Variants in ASH1L observed in about 807,000 individuals in gnomAD.
ASH1L encodes the protein ASH1 like histone lysine methyltransferase.
A neutral mutation model predicts 269.0 loss-of-function variants in ASH1L; 23 were observed. That is an observed-to-expected ratio of 0.09 (90% confidence interval 0.06 to 0.12). The LOEUF (loss-of-function observed/expected upper bound fraction) is 0.12. Ranked by LOEUF, ASH1L falls within the 10% of genes least tolerant of loss-of-function variation. ASH1L has a pLI of 1.00. For missense variants in ASH1L, 2,912 were observed against 3,567.8 expected (o/e 0.82, Z 4.68); for synonymous variants, 1,187 against 1,253.5 (o/e 0.95, Z 1.12).
chr1:155,462,166 TTA>T (rs925121699), intron 3 of ASH1L, among the ~76,000 whole-genome samples: 4 of 152,142 alleles, frequency 2.6e-5, no homozygotes, highest in African/African-American at 9.7e-5. Flanking sequence ...TGAGTATAGT[TTA>T]TATGTTTGGT....
At chr1:155,463,708 T>A (rs1664469163) in intron 3 of ASH1L, among the ~76,000 whole-genome samples, 1 of 151,992 alleles carries the variant, frequency 6.6e-6, no homozygotes, top group Non-Finnish European at 1.5e-5. Context: ...AGTGGGAAGA[T>A]CGCTTGAGCC....
intron 1 of ASH1L, among the ~76,000 whole-genome samples, chr1:155,539,949 G>C (rs1290511826): frequency 1.3e-5 from 2 of 151,952 alleles, no homozygotes; most frequent in South Asian, 2.1e-4. Context: ...CCCACCTGTA[G>C]TACCAGCTAC....
At chr1:155,350,920 T>TAA (rs71077999) in intron 17 of ASH1L, among the ~76,000 whole-genome samples, 1,524 of 133,996 alleles carry the variant, frequency 0.011, 44 homozygotes, top group African/African-American at 0.037. Context: ...GACTCCGTCC[T>TAA]AAAAAAAAAA....
chr1:155,439,680 C>T (rs558545451), intron 4 of ASH1L, among the ~76,000 whole-genome samples: 16 of 151,960 alleles, frequency 1.1e-4, no homozygotes, highest in Non-Finnish European at 2.2e-4. Context: ...CAGAGCGAGA[C>T]CCTGTCTCAA....
At chr1:155,340,469 C>G (rs1217814899) in intron 25 of ASH1L, among the ~76,000 whole-genome samples, 2 of 152,138 alleles carry the variant, frequency 1.3e-5, no homozygotes, top group African/African-American at 2.4e-5. Flanking sequence ...GTGTGAGCCA[C>G]CGCGCCTGGC....
chr1:155,459,664 T>C (rs1664141318), intron 4 of ASH1L, 133 bp downstream of exon 4: 2 of 693,324 alleles, frequency 2.9e-6, no homozygotes, highest in Non-Finnish European at 4.8e-6. Flanking sequence ...TTGTTTCAAC[T>C]CCTTTGAATG....
chr1:155,406,233 A>C (rs554701276), intron 6 of ASH1L, among the ~76,000 whole-genome samples: 2 of 151,962 alleles, frequency 1.3e-5, no homozygotes, highest in African/African-American at 4.8e-5. Context: ...AAGATGACAA[A>C]ACTTCCCAAA....
chr1:155,511,014 C>G lies in ASH1L; in HGVS notation c.420+10086G>C, dbSNP rs1668127390. 2.0e-5 allele frequency among the ~76,000 whole-genome samples: 3 copies of G among 152,038 alleles called. No individual in the cohort carries two copies. The South Asian group carries it at 6.2e-4, about 32-fold the overall frequency. On this transcript the variant is annotated intron_variant, in intron 2 of 27. Transcript: ENST00000392403. ...CTAAAAATTCTCAACTTTTGAACCTCAAATATGAGTCTGACATTTTAAAAT... is the reference window on the plus strand; with the variant it reads ...CTAAAAATTCTCAACTTTTGAACCTGAAATATGAGTCTGACATTTTAAAAT...
intron 1 of ASH1L, among the ~76,000 whole-genome samples, chr1:155,530,563 T>TA (rs55994662): frequency 0.54 from 75,853 of 140,712 alleles, 22,323 homozygotes; most frequent in Middle Eastern, 0.69. Flanking sequence ...CCGTCTCTAC[T>TA]AAAAAAAAAA....
At chr1:155,457,866 A>G (rs1431485548) in intron 4 of ASH1L, among the ~76,000 whole-genome samples, 3 of 152,208 alleles carry the variant, frequency 2.0e-5, no homozygotes, top group African/African-American at 7.2e-5. Flanking sequence ...TATGTCCCTT[A>G]TCAAAATCTC....
chr1:155,505,525 A>C (rs887994507), intron 2 of ASH1L, among the ~76,000 whole-genome samples: 10 of 152,190 alleles, frequency 6.6e-5, no homozygotes, highest in Non-Finnish European at 1.3e-4. Flanking sequence ...TGAAAGTATA[A>C]ATCAAAATAT....
chr1:155,520,244 C>G (rs974970745), intron 2 of ASH1L: 2 of 150,034 alleles, frequency 1.3e-5, no homozygotes, highest in Non-Finnish European at 2.9e-5. Context: ...CCCAGCTACT[C>G]AGGGGGCTGA....
At chr1:155,483,197 T>C (rs982152806) in intron 2 of ASH1L, among the ~76,000 whole-genome samples, 1 of 152,198 alleles carries the variant, frequency 6.6e-6, no homozygotes, top group Non-Finnish European at 1.5e-5. Context: ...TTCCTAAATA[T>C]AAAATACTCA....
chr1:155,348,884 TA>T (rs66853194), intron 19 of ASH1L, among the ~76,000 whole-genome samples: 997 of 91,750 alleles, frequency 0.011, 17 homozygotes, highest in African/African-American at 0.037. Flanking sequence ...CTGTCTCATT[TA>T]AAAAAAAAAA....
intron 4 of ASH1L, among the ~76,000 whole-genome samples, chr1:155,449,098 TA>T (rs1558118533): frequency 1.3e-5 from 2 of 151,996 alleles, no homozygotes; most frequent in Non-Finnish European, 2.9e-5. Context: ...CACGCCCAGC[TA>T]ATTTTTTTGT....
intron 7 of ASH1L, among the ~76,000 whole-genome samples, chr1:155,384,906 C>CT (rs1657293099): frequency 6.6e-6 from 1 of 151,740 alleles, no homozygotes; most frequent in Non-Finnish European, 1.5e-5. Context: ...CACAAATTTG[C>CT]TTTTTTTGTC....
chr1:155,480,153 G>T lies in ASH1L; in HGVS notation c.2717C>A (p.Pro906His). Reference protein sequence around the residue: ...QMRSPVKMKPPVLSVAPFVAT... With the variant: ...QMRSPVKMKPHVLSVAPFVAT... ...AACAAATGGAGCCACTGACAGTACA[G>T]GTGGCTTCATCTTGACTGGTGACCT... Residue 906 changes from proline (P) to histidine (H), a missense_variant, in exon 3 of 28, where the codon CCT (proline) becomes CAT (histidine). By Grantham distance (77) the Pro-to-His change is moderately conservative. Transcript: ENST00000392403. 6.2e-7 allele frequency: 1 copy of T among 1,614,130 alleles called. No homozygotes were observed. Among genetic ancestry groups the T allele is most frequent in the African/African-American group, 1.3e-5 (1 of 75,036 alleles).
intron 4 of ASH1L, among the ~76,000 whole-genome samples, chr1:155,454,082 G>A (rs1296748898): frequency 3.3e-5 from 5 of 152,324 alleles, no homozygotes; most frequent in Non-Finnish European, 1.5e-5. Flanking sequence ...TCCAGCCTGA[G>A]CGACGGAGCA....
intron 10 of ASH1L, among the ~76,000 whole-genome samples, chr1:155,374,096 A>G (rs935818775): frequency 1.3e-5 from 2 of 152,240 alleles, no homozygotes; most frequent in Non-Finnish European, 2.9e-5. Context: ...TGGGGGGCAG[A>G]GGCGGGAGGA....
Sources: allele counts gnomAD v4.1 joint callset (sites outside exome capture counted in the v4.1 genomes callset), GRCh38; gene constraint gnomAD v4.1.1; transcripts MANE v1.5; gene names NCBI Gene and HGNC (gene_info 2026-07-23, HGNC 2026-07-21).